TSC2: variants seen among roughly 807,000 people sequenced by gnomAD.
The protein encoded by TSC2 is tuberin.
A neutral mutation model predicts 202.2 loss-of-function variants in TSC2; 29 were observed. The ratio of observed to expected loss-of-function variants is 0.14; its 90% CI spans 0.11 to 0.20. The LOEUF (loss-of-function observed/expected upper bound fraction) is 0.20, where lower values mean the gene tolerates loss of function less well. Ranked by LOEUF, TSC2 falls within the 10% of genes least tolerant of loss-of-function variation. The pLI, the probability that TSC2 is intolerant of heterozygous loss-of-function variation, is 1.00. For synonymous variants in TSC2, 1,349 were observed against 1,044.0 expected (o/e 1.29, Z -5.63); for missense variants, 2,429 against 2,420.0 (o/e 1.00, Z -0.08).
chr16:2,082,370 T>C (rs2090247977), intron 31 of TSC2, 66 bp from the exon 32 acceptor site: 3 of 1,576,790 alleles, frequency 1.9e-6, no homozygotes, highest in African/African-American at 2.7e-5. Flanking sequence ...GGGCCTGTGC[T>C]CTCTGCTCGA....
Position 2,088,577 on chromosome 16 carries a change from C to T in TSC2, c.5391C>T (p.Ile1797=), listed in dbSNP as rs571792728. ...GYEVGQRKRL[I]SSVEDFTEFV is the part of the protein sequence containing the mutation. ...AGGTGGGCCAGCGGAAGCGCCTCAT[C>T]TCCTCGGTGGAGGACTTCACCGAGT... is the stretch of plus-strand genomic sequence containing the variant. Residue 1797 remains isoleucine, a synonymous_variant, in exon 42 of 42, where the codon ATC becomes ATT. Transcript: ENST00000219476. 3.7e-6 allele frequency: 6 copies of T among 1,608,862 alleles called. No homozygotes were observed. Among genetic ancestry groups the T allele is most frequent in the Non-Finnish European group, 4.2e-6 (5 of 1,179,878 alleles).
Position 2,081,658 on chromosome 16 carries a change from A to G in TSC2, c.3674A>G (p.Asn1225Ser), listed in dbSNP as rs1037743572. 6.2e-7 allele frequency: 1 copy of G among 1,612,940 alleles called. No homozygotes were observed. The highest frequency in any genetic ancestry group is 8.5e-7 in the Non-Finnish European group (1 of 1,179,994). Residue 1225 changes from asparagine to serine, a missense_variant, in exon 31 of 42, where the codon AAC becomes AGC. By Grantham distance (46) the Asn-to-Ser change is conservative (BLOSUM62 1). Coordinates refer to ENST00000219476, the MANE Select transcript of TSC2 (RefSeq NM_000548.5). ...AGCCCTTTCTCCTCGGACATCAACA[A>G]CATGCCCCTGCAGGAGCTGTCTAAC... ...PLSPFSSDINNMPLQELSNAL... is the reference protein window; with the variant it reads ...PLSPFSSDINSMPLQELSNAL...
At chr16:2,071,269 G>T in intron 17 of TSC2, 1 of 591,080 alleles carries the variant, frequency 1.7e-6, no homozygotes, top group Non-Finnish European at 3.1e-6. Context: ...CCCAGCTGTG[G>T]TGGTGGGGAC....
At chr16:2,078,607 G>A (rs954527249) in intron 26 of TSC2, 52 of 283,516 alleles carry the variant, frequency 1.8e-4, no homozygotes, top group Non-Finnish European at 3.2e-4. Flanking sequence ...GCCTGCCTGA[G>A]GGTGACGGTG....
At position 2,086,544 on chromosome 16, in the gene TSC2, T is replaced by C. The variant is rs533254706; in HGVS notation, c.4849+165T>C. ...AACAGCGTGGGCATGGAGGCAGTGATGGGGCTGGTGGCTTTGCGTCCCAAA... is the reference window on the plus strand; with the variant it reads ...AACAGCGTGGGCATGGAGGCAGTGACGGGGCTGGTGGCTTTGCGTCCCAAA... On this transcript the variant is annotated intron_variant, in intron 37 of 41. Transcript: ENST00000219476. Among the ~76,000 whole-genome samples the C allele has an allele frequency of 2.0e-5, 3 of 152,244 alleles. No homozygotes were observed. In the East Asian group the frequency reaches 5.8e-4, roughly 30 times the overall value.
rs1596384857 is a variant in TSC2 at position 2,079,458 on chromosome 16, G to C, written c.3284+30G>C. 1 of 1,612,464 alleles carries C rather than the reference G, an allele frequency of 6.2e-7. No homozygotes were observed. Among genetic ancestry groups the C allele is most frequent in the East Asian group, 2.2e-5 (1 of 44,870 alleles). On this transcript the variant is annotated intron_variant, in intron 28 of 41. Coordinates refer to ENST00000219476, the MANE Select transcript of TSC2 (RefSeq NM_000548.5). The surrounding 1 kb of genome is among the most constrained non-coding windows in gnomAD (Gnocchi z 4.6). The stretch of plus-strand genomic sequence containing the variant: ...CTGCACCTTCCTTTCCTCCGCGCCT[G>C]CCAGCCTCGACACCGGCTGTCCCGA...
chr16:2,087,557 T>C (rs113898750), intron 38 of TSC2, among the ~76,000 whole-genome samples: 6 of 150,806 alleles, frequency 4.0e-5, no homozygotes, highest in African/African-American at 1.5e-4. Context: ...GCTCACTTCA[T>C]GGCTGGGCAG....
chr16:2,055,335 G>A (rs1245080459), intron 5 of TSC2, 67 bp from the exon 6 acceptor site: 8 of 1,231,338 alleles, frequency 6.5e-6, no homozygotes, highest in African/African-American at 3.0e-5. Flanking sequence ...GTCCTGCGGC[G>A]GGAGGGGGAG....
chr16:2,054,405 A>G lies in TSC2; in HGVS notation c.446A>G (p.Asn149Ser), dbSNP rs1029118280. The G allele has an allele frequency of 4.3e-6, 7 of 1,614,098 alleles. No homozygotes were observed. The highest frequency in any genetic ancestry group is 1.7e-5 in the Admixed American group (1 of 60,004). The change falls in exon 5 of 42, where the codon AAT (asparagine) becomes AGT (serine). Residue 149 changes from asparagine to serine, a missense_variant. Coordinates refer to ENST00000219476, the MANE Select transcript of TSC2 (RefSeq NM_000548.5). ...RLEVFKALTDNGRHITYLEEE... is the reference protein window; with the variant it reads ...RLEVFKALTDSGRHITYLEEE... ...GAGGTTTTCAAGGCCCTCACAGACAATGGGAGACACATCACCTACTTGGAG... is the reference window on the plus strand; with the variant it reads ...GAGGTTTTCAAGGCCCTCACAGACAGTGGGAGACACATCACCTACTTGGAG...
At chr16:2,085,737 G>A (rs994697521) in intron 36 of TSC2, among the ~76,000 whole-genome samples, 5 of 152,220 alleles carry the variant, frequency 3.3e-5, no homozygotes, top group Admixed American at 2.6e-4. Context: ...CACGGGAGCC[G>A]ACAGGATGGG....
rs45517097 is a variant in TSC2 at position 2,053,344 on chromosome 16, C to T, written c.228C>T (p.His76=). The change falls in exon 4 of 42, where the codon CAC becomes CAT. Residue 76 remains histidine, a splice_region_variant and synonymous_variant. Transcript: ENST00000219476. ...GCTGTCCCCTCTGCTGGTGACAGCA[C>T]GCAGTGGAAGCACTCTGGAAGGCGG... ...EVAKTKKFEE[H]AVEALWKAVA... is the part of the protein sequence containing the mutation. 3,204 of 1,580,544 alleles carry T rather than the reference C, an allele frequency of 2.0e-3. 15 individuals carry two copies. The highest frequency in any genetic ancestry group is 1.5e-3 in the Non-Finnish European group (1,719 of 1,164,342).
At position 2,087,975 on chromosome 16, in the gene TSC2, G is replaced by A. The variant is rs1233833894; in HGVS notation, c.5068+34G>A. 4.4e-6 allele frequency: 7 copies of A among 1,608,444 alleles called. No individual in the cohort carries two copies. The East Asian group carries it at 6.7e-5, about 15-fold the overall frequency. The stretch of plus-strand genomic sequence containing the variant: ...GGGTGGGGCCCTGCAGTGCAGGAAA[G>A]GTAGGGCCGGGTGGGGCCCTGCAGT... On this transcript the variant is annotated intron_variant, in intron 39 of 41. Transcript: ENST00000219476.
chr16:2,054,143 C>A, intron 4 of TSC2, 153 bp from the exon 5 acceptor site: 1 of 1,234,864 alleles, frequency 8.1e-7, no homozygotes, highest in Non-Finnish European at 1.2e-6. Context: ...CTGTACAATG[C>A]TGATGCTGCA....
At chr16:2,085,051 A>C (rs1312270250) in intron 35 of TSC2, 25 bp downstream of exon 35, 3 of 1,611,226 alleles carry the variant, frequency 1.9e-6, no homozygotes, top group Non-Finnish European at 2.5e-6. Context: ...CCTCTCCTGC[A>C]TCCGCTGGAG....
chr16:2,074,603 A>C, intron 22 of TSC2: 1 of 625,360 alleles, frequency 1.6e-6, no homozygotes, highest in Non-Finnish European at 2.8e-6. Flanking sequence ...TGTCCATGTG[A>C]ACGCTCCTCC....
rs2151040222 is a variant in TSC2 at position 2,054,307 on chromosome 16, G to A, written c.348G>A (p.Leu116=). The change falls in exon 5 of 42, where the codon TTG becomes TTA. Residue 116 remains leucine (L), a synonymous_variant. Transcript: ENST00000219476. ...KAIVQGQGER[L]GVLRALFFKV... is the part of the protein sequence containing the mutation. ...GCTTTTGTCTTTAGGGCGAGCGTTT[G>A]GGGGTCCTCAGAGCCCTCTTCTTTA... The A allele has an allele frequency of 6.2e-7, 1 of 1,614,188 alleles. No individual in the cohort carries two copies. Among genetic ancestry groups the A allele is most frequent in the Non-Finnish European group, 8.5e-7 (1 of 1,180,018 alleles).
At chr16:2,074,636 G>T (rs1263592743) in intron 22 of TSC2, 1 of 570,238 alleles carries the variant, frequency 1.8e-6, no homozygotes, top group Non-Finnish European at 3.2e-6. Context: ...CTTCCCCCCC[G>T]AGCAGTGGCC....
chr16:2,078,734 C>T (rs1349329499), intron 26 of TSC2: 3 of 477,948 alleles, frequency 6.3e-6, no homozygotes, highest in Non-Finnish European at 1.2e-5. Flanking sequence ...CACCGTTTCG[C>T]CAGGAGGCCG....
chr16:2,056,980 G>T (rs1260516042), intron 8 of TSC2, 125 bp from the exon 9 acceptor site: 1 of 1,394,804 alleles, frequency 7.2e-7, no homozygotes, highest in African/African-American at 1.4e-5. Context: ...TTTGGGAGGA[G>T]ATGGTGGCGA....
Sources: allele counts gnomAD v4.1 joint callset (sites outside exome capture counted in the v4.1 genomes callset), GRCh38; gene constraint gnomAD v4.1.1; non-coding constraint Gnocchi (gnomAD v3.1); transcripts MANE v1.5; gene names NCBI Gene and HGNC (gene_info 2026-07-23, HGNC 2026-07-21).